The following PXDNL variants were observed in gnomAD, a reference collection of about 807,000 sequenced individuals.
PXDNL encodes the protein peroxidasin like.
Under a neutral mutation model 150.8 loss-of-function variants are expected in PXDNL, and 145 were observed. The ratio of observed to expected loss-of-function variants is 0.96; its 90% CI spans 0.84 to 1.10. PXDNL has a LOEUF of 1.10. Ranked by LOEUF, PXDNL falls within the 50% of genes least tolerant of loss-of-function variation. The pLI is 0.00. For missense variants in PXDNL, 2,087 were observed against 1,873.9 expected, an observed-to-expected ratio of 1.11 and a Z score of -2.10; for synonymous variants, 757 against 725.7, an observed-to-expected ratio of 1.04 and a Z score of -0.69.
chr8:51,570,341 C>A (rs1350024130), intron 3 of PXDNL, among the ~76,000 whole-genome samples: 1 of 151,696 alleles, frequency 6.6e-6, no homozygotes, highest in Non-Finnish European at 1.5e-5. Context: ...AGGCTCTTGG[C>A]GAAATTGTTT....
chr8:51,727,390 C>T (rs1008988247), intron 1 of PXDNL, among the ~76,000 whole-genome samples: 3 of 152,142 alleles, frequency 2.0e-5, no homozygotes, highest in African/African-American at 7.2e-5. Flanking sequence ...CCATAACCAA[C>T]ATAACAAAAA....
chr8:51,808,331 C>T (rs2037699980), intron 1 of PXDNL, among the ~76,000 whole-genome samples: 1 of 151,406 alleles, frequency 6.6e-6, no homozygotes, highest in Non-Finnish European at 1.5e-5. Context: ...CAGCATTTTT[C>T]CTTTTCTTCT....
Position 51,727,528 on chromosome 8 carries a change from G to T in PXDNL, c.165-72768C>A, listed in dbSNP as rs150557102. Among the ~76,000 whole-genome samples, 12 of 152,272 alleles carry T rather than the reference G, an allele frequency of 7.9e-5. No individual in the cohort carries two copies. The East Asian group carries it at 2.3e-3, about 29-fold the overall frequency. Reference sequence around the variant, plus strand: ...TACAAAACCCAAAAATTTACTTTGAGAATATAGAGTTGTTAAAGCAAATAA... The same window carrying T: ...TACAAAACCCAAAAATTTACTTTGATAATATAGAGTTGTTAAAGCAAATAA... On this transcript the variant is annotated intron_variant, in intron 1 of 22. Transcript: ENST00000356297.
chr8:51,608,713 T>C (rs1025143760), intron 2 of PXDNL, among the ~76,000 whole-genome samples: 69 of 150,536 alleles, frequency 4.6e-4, no homozygotes, highest in Non-Finnish European at 9.1e-4. Flanking sequence ...GGTGGGTGCC[T>C]GTAGTCCCAG....
At chr8:51,666,147 T>A (rs757950116) in intron 1 of PXDNL, among the ~76,000 whole-genome samples, 1 of 152,246 alleles carries the variant, frequency 6.6e-6, no homozygotes, top group Admixed American at 6.5e-5. Flanking sequence ...GAACTCTTGA[T>A]GCATAGTCAG....
rs939224302 is a variant in PXDNL, at chr8:51,735,088, T to C, written c.164+74093A>G. Among the ~76,000 whole-genome samples, 7 of 152,210 alleles carry C rather than the reference T, an allele frequency of 4.6e-5. No homozygotes were observed. The East Asian group carries it at 1.3e-3, about 29-fold the overall frequency. Reference sequence around the variant, plus strand: ...AAAGATAAGTATGTGAGATAATGCATGTTAATTGGCTTGATTTAGTCATTC... The same window carrying C: ...AAAGATAAGTATGTGAGATAATGCACGTTAATTGGCTTGATTTAGTCATTC... On this transcript the variant is annotated intron_variant, in intron 1 of 22. Transcript: ENST00000356297.
chr8:51,400,373 T>G (rs1014279437), intron 17 of PXDNL, among the ~76,000 whole-genome samples: 1 of 152,142 alleles, frequency 6.6e-6, no homozygotes, highest in African/African-American at 2.4e-5. Flanking sequence ...ACTAAAAAAT[T>G]TTGGATTTTT....
chr8:51,340,894 T>C (rs1805967587), intron 20 of PXDNL, among the ~76,000 whole-genome samples: 1 of 152,250 alleles, frequency 6.6e-6, no homozygotes, highest in African/African-American at 2.4e-5. Flanking sequence ...ACTTTCATAA[T>C]GCTCTCTTCT....
chr8:51,415,588 G>A (rs968407583), intron 14 of PXDNL, among the ~76,000 whole-genome samples: 2 of 152,154 alleles, frequency 1.3e-5, no homozygotes, highest in African/African-American at 4.8e-5. Flanking sequence ...CTGGACATGA[G>A]ATATGGACAG....
At chr8:51,478,708 T>C (rs145020169) in intron 6 of PXDNL, among the ~76,000 whole-genome samples, 2 of 152,256 alleles carry the variant, frequency 1.3e-5, no homozygotes, top group East Asian at 3.9e-4. Flanking sequence ...CACTCCTCAG[T>C]TGAAAAACTT....
intron 1 of PXDNL, among the ~76,000 whole-genome samples, chr8:51,740,454 TAA>T (rs1352366867): frequency 3.3e-5 from 5 of 152,212 alleles, no homozygotes; most frequent in African/African-American, 1.2e-4. Context: ...ACCAATAGTG[TAA>T]AAGAGTTCCT....
At chr8:51,624,814 A>C (rs2130742291) in intron 2 of PXDNL, among the ~76,000 whole-genome samples, 1 of 151,678 alleles carries the variant, frequency 6.6e-6, no homozygotes, top group African/African-American at 2.4e-5. Flanking sequence ...GTCATATCAA[A>C]CATGAATCTG....
In PXDNL at chr8:51,449,134, CAT is replaced by C. The variant is rs771044198; in HGVS notation, c.1250-18_1250-17del. 7 of 1,367,788 alleles carry C rather than the reference CAT, an allele frequency of 5.1e-6. No homozygotes were observed. The highest frequency in any genetic ancestry group is 2.7e-5 in the South Asian group (2 of 74,888). The allele number at this position is 1,367,788 out of a possible 1,614,324, so 84.7% of individuals were successfully genotyped here. ...TGTGGAGGAGCTAAAGAGAATGAAACATACATCAAAATTGAAAATTATTTTAC... is the reference window on the plus strand; with the variant it reads ...TGTGGAGGAGCTAAAGAGAATGAAACACATCAAAATTGAAAATTATTTTAC... On this transcript the variant is annotated splice_polypyrimidine_tract_variant and intron_variant, in intron 10 of 22. Transcript: ENST00000356297.
At chr8:51,395,307 C>T (rs1242293032) in intron 17 of PXDNL, among the ~76,000 whole-genome samples, 1 of 152,196 alleles carries the variant, frequency 6.6e-6, no homozygotes, top group Non-Finnish European at 1.5e-5. Context: ...TCAACCAATT[C>T]AGAACTATCA....
chr8:51,539,911 C>T (rs1158816150), intron 4 of PXDNL, among the ~76,000 whole-genome samples: 2 of 150,788 alleles, frequency 1.3e-5, no homozygotes, highest in African/African-American at 4.9e-5. Context: ...ATTGACTTCT[C>T]TCTATTGTTG....
chr8:51,400,456 C>T (rs1276820667), intron 17 of PXDNL, among the ~76,000 whole-genome samples: 7 of 151,942 alleles, frequency 4.6e-5, no homozygotes, highest in Admixed American at 3.3e-4. Flanking sequence ...TTCTAAAACG[C>T]GTTACTAAGA....
chr8:51,506,153 A>G (rs1290317273), intron 4 of PXDNL, among the ~76,000 whole-genome samples: 3 of 152,220 alleles, frequency 2.0e-5, no homozygotes, highest in African/African-American at 7.2e-5. Context: ...CATTATAAAG[A>G]GAATTATATT....
chr8:51,788,696 C>G (rs567546940), intron 1 of PXDNL, among the ~76,000 whole-genome samples: 1 of 152,194 alleles, frequency 6.6e-6, no homozygotes, highest in Admixed American at 6.5e-5. Flanking sequence ...CTGCTCAGGA[C>G]CACCTGTGAA....
At chr8:51,538,631 G>A (rs1347091356) in intron 4 of PXDNL, among the ~76,000 whole-genome samples, 6 of 152,096 alleles carry the variant, frequency 3.9e-5, no homozygotes, top group African/African-American at 1.2e-4. Flanking sequence ...GGCGAGTCTG[G>A]TGGTGGGCGT....
Sources: gnomAD v4.1 joint callset for allele counts (sites outside exome capture counted in the v4.1 genomes callset) on GRCh38, gnomAD v4.1.1 for gene constraint, MANE v1.5 for transcripts, NCBI Gene and HGNC (gene_info 2026-07-23, HGNC 2026-07-21) for gene names.